ADAMTS6: variants seen among roughly 807,000 people sequenced by gnomAD.
ADAMTS6 encodes ADAM metallopeptidase with thrombospondin type 1 motif 6.
Under a neutral mutation model 144.3 loss-of-function variants are expected in ADAMTS6, and 23 were observed. That is an observed-to-expected ratio of 0.16 (90% CI 0.11 to 0.23). The LOEUF is 0.23. Ranked by LOEUF, ADAMTS6 falls within the 10% of genes least tolerant of loss-of-function variation. The pLI, the probability that ADAMTS6 is intolerant of heterozygous loss-of-function variation, is 1.00. For synonymous variants in ADAMTS6, 444 were observed against 457.5 expected (o/e 0.97, Z 0.38); for missense variants, 999 against 1,379.6 (o/e 0.72, Z 4.37).
At chr5:65,314,736 G>A (rs73109268) in intron 9 of ADAMTS6, among the ~76,000 whole-genome samples, 17,761 of 152,110 alleles carry the variant, frequency 0.12, 1,106 homozygotes, top group African/African-American at 0.16. Context: ...TCTGTGTCCA[G>A]TGAAATTATC....
intron 3 of ADAMTS6, among the ~76,000 whole-genome samples, chr5:65,465,644 CTT>C (rs1452639618): frequency 6.6e-6 from 1 of 152,196 alleles, no homozygotes; most frequent in African/African-American, 2.4e-5. Flanking sequence ...ACTGAAACTG[CTT>C]TTGTCAGGGT....
chr5:65,385,225 G>A (rs1200140739), intron 7 of ADAMTS6, among the ~76,000 whole-genome samples: 3 of 152,152 alleles, frequency 2.0e-5, no homozygotes, highest in Non-Finnish European at 2.9e-5. Flanking sequence ...TAGCAAATAT[G>A]TATTTGTTTA....
At chr5:65,402,654 A>C (rs987466648) in intron 7 of ADAMTS6, among the ~76,000 whole-genome samples, 10 of 151,842 alleles carry the variant, frequency 6.6e-5, no homozygotes, top group African/African-American at 2.2e-4. Context: ...CCTCCTTGCT[A>C]TCACAATGAA....
At chr5:65,298,164 T>C (rs1410252260) in intron 10 of ADAMTS6, among the ~76,000 whole-genome samples, 1 of 152,158 alleles carries the variant, frequency 6.6e-6, no homozygotes, top group East Asian at 1.9e-4. Flanking sequence ...CAGTATGCTT[T>C]CAAGTAGACA....
intron 7 of ADAMTS6, among the ~76,000 whole-genome samples, chr5:65,347,502 A>C (rs535248062): frequency 1.1e-3 from 165 of 152,184 alleles, no homozygotes; most frequent in Middle Eastern, 3.4e-3. Context: ...AAATCAACTC[A>C]AAAAGGATTA....
chr5:65,297,187 T>A, intron 10 of ADAMTS6: 1 of 455,730 alleles, frequency 2.2e-6, no homozygotes, highest in Non-Finnish European at 4.4e-6. Flanking sequence ...TATTATTTAA[T>A]CAGGACGGCT....
chr5:65,312,105 G>C (rs1289435360), intron 9 of ADAMTS6, among the ~76,000 whole-genome samples: 1 of 151,904 alleles, frequency 6.6e-6, no homozygotes, highest in Non-Finnish European at 1.5e-5. Flanking sequence ...TCTTCAAAGA[G>C]ATAACACACA....
intron 24 of ADAMTS6, among the ~76,000 whole-genome samples, chr5:65,158,898 C>T (rs1752584697): frequency 6.6e-6 from 1 of 151,706 alleles, no homozygotes; most frequent in Non-Finnish European, 1.5e-5. Flanking sequence ...TGTTGCTTGA[C>T]CTCCCTCCAT....
chr5:65,206,939 A>C lies in ADAMTS6; in HGVS notation c.2575+7855T>G, dbSNP rs544347888. Among the ~76,000 whole-genome samples, 148 of 152,142 alleles carry C rather than the reference A, an allele frequency of 9.7e-4. 1 individual carries two copies. The highest frequency in any genetic ancestry group is 2.7e-3 in the South Asian group (13 of 4,826). ...CAGGGAAGAAAAAGTATAATAAAAG[A>C]AGCATCAAACATACAAATAAAATTA... On this transcript the variant is annotated intron_variant, in intron 20 of 24. Transcript: ENST00000381055.
chr5:65,444,318 A>T (rs556031028), intron 7 of ADAMTS6, among the ~76,000 whole-genome samples: 2 of 152,268 alleles, frequency 1.3e-5, no homozygotes, highest in Non-Finnish European at 1.5e-5. Context: ...CAAAGCTGAG[A>T]TCGTGCCATT....
At chr5:65,291,283 G>A (rs1220930708) in intron 11 of ADAMTS6, 46 bp downstream of exon 11, 1 of 1,571,470 alleles carries the variant, frequency 6.4e-7, no homozygotes, top group East Asian at 2.3e-5. Flanking sequence ...CTGTGTCATG[G>A]AAGAACACGT....
intron 9 of ADAMTS6, among the ~76,000 whole-genome samples, chr5:65,321,904 C>T (rs559526612): frequency 3.1e-4 from 47 of 151,576 alleles, no homozygotes; most frequent in African/African-American, 6.8e-4. Context: ...TTAGAAGAGA[C>T]GGGGTTTTGC....
chr5:65,162,608 T>C (rs1752843079), intron 24 of ADAMTS6, among the ~76,000 whole-genome samples: 1 of 133,314 alleles, frequency 7.5e-6, no homozygotes, highest in Non-Finnish European at 1.6e-5. Flanking sequence ...TTGTCAGGAT[T>C]ATATAAGATA....
intron 7 of ADAMTS6, among the ~76,000 whole-genome samples, chr5:65,398,172 T>C (rs951475611): frequency 1.3e-5 from 2 of 152,218 alleles, no homozygotes; most frequent in Non-Finnish European, 2.9e-5. Context: ...AGTTCAACTA[T>C]GTCCTTACTG....
At chr5:65,475,535 G>C (rs1760789804) in intron 1 of ADAMTS6, among the ~76,000 whole-genome samples, 1 of 152,190 alleles carries the variant, frequency 6.6e-6, no homozygotes, top group African/African-American at 2.4e-5. Flanking sequence ...GTCGTGCAAA[G>C]TTGTTGCAGG....
chr5:65,247,833 C>G (rs1274595295), intron 14 of ADAMTS6, among the ~76,000 whole-genome samples: 1 of 152,112 alleles, frequency 6.6e-6, no homozygotes, highest in Non-Finnish European at 1.5e-5. Flanking sequence ...TGCTTTCATA[C>G]CAAATTCACT....
At chr5:65,378,760 G>A (rs1232994469) in intron 7 of ADAMTS6, among the ~76,000 whole-genome samples, 3 of 152,080 alleles carry the variant, frequency 2.0e-5, no homozygotes, top group Admixed American at 6.6e-5. Flanking sequence ...TATATCATTT[G>A]CTTGTATCAT....
intron 13 of ADAMTS6, among the ~76,000 whole-genome samples, chr5:65,261,193 T>A (rs987754216): frequency 6.6e-6 from 1 of 152,150 alleles, no homozygotes; most frequent in Non-Finnish European, 1.5e-5. Context: ...TTCAAAATAG[T>A]CCATGAAGTT....
At chr5:65,372,994 C>T (rs553300619) in intron 7 of ADAMTS6, among the ~76,000 whole-genome samples, 7 of 152,342 alleles carry the variant, frequency 4.6e-5, no homozygotes, top group Non-Finnish European at 8.8e-5. Context: ...GAACAAGCTT[C>T]TCCTGAATGA....
Sources: allele counts gnomAD v4.1 joint callset (sites outside exome capture counted in the v4.1 genomes callset), GRCh38; gene constraint gnomAD v4.1.1; transcripts MANE v1.5; gene names NCBI Gene and HGNC (gene_info 2026-07-23, HGNC 2026-07-21).